The following ARSF variants were observed in gnomAD, a reference collection of about 807,000 sequenced individuals.
ARSF encodes arylsulfatase F.
Under a neutral mutation model 35.4 loss-of-function variants are expected in ARSF, and 33 were observed. That is an observed-to-expected ratio of 0.93 (90% confidence interval 0.71 to 1.25). The LOEUF is 1.25. Ranked by LOEUF, ARSF falls within the 50% of genes most tolerant of loss-of-function variation. The pLI is 0.00. For missense variants in ARSF, 501 were observed against 480.2 expected (o/e 1.04, Z -0.40); for synonymous variants, 222 against 193.1 (o/e 1.15, Z -1.24).
In ARSF at chrX:3,072,113, C is replaced by T. The variant is rs775917673; in HGVS notation, c.99C>T (p.Val33=). 28 of 1,201,102 alleles carry T rather than the reference C, an allele frequency of 2.3e-5. No homozygotes were observed. The highest frequency in any genetic ancestry group is 2.9e-5 in the Non-Finnish European group (26 of 893,491). Residue 33 remains valine (V), a synonymous_variant, in exon 3 of 11, where the codon GTC becomes GTT. Transcript: ENST00000381127. ...TGCATGACGACAAGCCTAATATTGT[C>T]CTAATCATGGTTGATGACCTGGGTA... The part of the protein sequence containing the change: ...HRVHDDKPNI[V]LIMVDDLGIG...
Position 3,084,387 on chromosome X carries a change from C to G in ARSF, c.551C>G (p.Ala184Gly). 8.3e-7 allele frequency: 1 copy of G among 1,211,793 alleles called. No homozygotes were observed. The highest frequency in any genetic ancestry group is 1.1e-6 in the Non-Finnish European group (1 of 895,580). ...WPDPSRNTELAFESQLWLCVQ... is the reference protein window; with the variant it reads ...WPDPSRNTELGFESQLWLCVQ... ...GACCCCTCTCGTAACACGGAATTAG[C>G]CTTTGAGAGTCAGCTCTGGCTCTGT... The change falls in exon 6 of 11, where the codon GCC (alanine) becomes GGC (glycine). Residue 184 changes from alanine to glycine, a missense_variant. Physicochemically the swap from Ala to Gly is moderately conservative, Grantham distance 60. Transcript: ENST00000381127.
chrX:3,103,067 TA>T (rs199909096), intron 8 of ARSF, among the ~76,000 whole-genome samples: 6,240 of 111,378 alleles, frequency 0.056, 172 homozygotes, highest in Admixed American at 0.11. Flanking sequence ...TTGGTATAAT[TA>T]AGACAACTTT....
chrX:3,100,636 C>T (rs2032735791), intron 7 of ARSF, among the ~76,000 whole-genome samples: 1 of 111,184 alleles, frequency 9.0e-6, no homozygotes, highest in Non-Finnish European at 1.9e-5. Context: ...CTCACTCTGT[C>T]ACCCAGGTTG....
At position 3,084,463 on chromosome X, in the gene ARSF, C is replaced by T. The variant is rs1217859879; in HGVS notation, c.627C>T (p.Ser209=). ...AILTLTFGKL[S]GWVSVPWLLI... is the part of the protein sequence containing the mutation. ...TCACCCTAACCTTTGGGAAGCTGAG[C>T]GGCTGGGTCTCTGTTCCCTGGCTCC... Residue 209 remains serine (S), a synonymous_variant, in exon 6 of 11, where the codon AGC becomes AGT. Coordinates refer to ENST00000381127, the MANE Select transcript of ARSF (RefSeq NM_001201539.2). 7.4e-6 allele frequency: 9 copies of T among 1,211,286 alleles called. No individual in the cohort carries two copies. The highest frequency in any genetic ancestry group is 3.0e-5 in the East Asian group (1 of 33,807).
rs1343591077 is a variant in ARSF, at chrX:3,072,066, A to G, written c.52A>G (p.Asn18Asp). ...CATGTCTTTGGTGTGTGCACTCTTGAACACATGCCAGGCACACAGGGTGCA... is the reference window on the plus strand; with the variant it reads ...CATGTCTTTGGTGTGTGCACTCTTGGACACATGCCAGGCACACAGGGTGCA... Reference protein sequence around the residue: ...VFMSLVCALLNTCQAHRVHDD... With the variant: ...VFMSLVCALLDTCQAHRVHDD... Residue 18 changes from asparagine to aspartate, a missense_variant, in exon 3 of 11, where the codon AAC becomes GAC. Physicochemically the swap from Asn to Asp is conservative, Grantham distance 23. Coordinates refer to ENST00000381127, the MANE Select transcript of ARSF (RefSeq NM_001201539.2). 1 of 1,202,680 alleles carries G rather than the reference A, an allele frequency of 8.3e-7. No individual in the cohort carries two copies. The highest frequency in any genetic ancestry group is 1.1e-6 in the Non-Finnish European group (1 of 893,668).
chrX:3,064,607 A>C (rs1193828801), intron 1 of ARSF, among the ~76,000 whole-genome samples: 2 of 111,904 alleles, frequency 1.8e-5, no homozygotes, highest in African/African-American at 6.5e-5. Context: ...AATTTACAAG[A>C]AAAAAACAAA....
intron 1 of ARSF, among the ~76,000 whole-genome samples, chrX:3,056,889 T>C (rs1269622614): frequency 9.0e-6 from 1 of 111,383 alleles, no homozygotes; most frequent in African/African-American, 3.3e-5. Context: ...ATTAAGCTTG[T>C]TGTCTGTGAC....
At chrX:3,055,818 T>G (rs1347299346) in intron 1 of ARSF, among the ~76,000 whole-genome samples, 1 of 111,779 alleles carries the variant, frequency 8.9e-6, no homozygotes, top group African/African-American at 3.2e-5. Context: ...CAACCTCTAC[T>G]GGCTTCCTGC....
intron 1 of ARSF, among the ~76,000 whole-genome samples, chrX:3,046,754 A>T (rs1282662039): frequency 9.0e-6 from 1 of 111,239 alleles, no homozygotes; most frequent in Non-Finnish European, 1.9e-5. Context: ...ACACAAGGAA[A>T]AATTAAGCCA....
chrX:3,111,281 A>T (rs1280991789), intron 10 of ARSF, among the ~76,000 whole-genome samples: 1 of 112,004 alleles, frequency 8.9e-6, no homozygotes, highest in African/African-American at 3.2e-5. Context: ...TAAGATTAAA[A>T]GTGTTAGAAG....
intron 1 of ARSF, among the ~76,000 whole-genome samples, chrX:3,054,651 A>G (rs745408156): frequency 6.6e-4 from 72 of 109,720 alleles, no homozygotes; most frequent in Non-Finnish European, 1.2e-3. Flanking sequence ...ACTTTTCTCT[A>G]TGGAATTCAA....
upstream of ARSF, among the ~76,000 whole-genome samples, chrX:3,040,282 G>T (rs781096155): frequency 9.0e-6 from 1 of 111,622 alleles, no homozygotes; most frequent in Admixed American, 9.6e-5. Context: ...CCGGAGCTAA[G>T]TTACCCGCAG....
intron 1 of ARSF, among the ~76,000 whole-genome samples, chrX:3,052,690 C>CA (rs60919775): frequency 0.018 from 1,289 of 73,625 alleles, 30 homozygotes; most frequent in African/African-American, 0.057. Flanking sequence ...GACCCTGTCT[C>CA]AAAAAAAAAA....
At chrX:3,087,917 C>T (rs979054580) in intron 6 of ARSF, among the ~76,000 whole-genome samples, 1 of 112,250 alleles carries the variant, frequency 8.9e-6, no homozygotes, top group African/African-American at 3.2e-5. Context: ...TCTGAGGTTT[C>T]AAGTGAACGT....
intron 10 of ARSF, among the ~76,000 whole-genome samples, chrX:3,111,115 C>A (rs1325205371): frequency 9.2e-6 from 1 of 108,490 alleles, no homozygotes; most frequent in Non-Finnish European, 1.9e-5. Context: ...TGGGTGCATG[C>A]CTCTGATGTG....
intron 1 of ARSF, among the ~76,000 whole-genome samples, chrX:3,056,344 C>T (rs968770834): frequency 5.6e-5 from 6 of 106,378 alleles, no homozygotes; most frequent in Admixed American, 3.0e-4. Flanking sequence ...GGCGCTATCT[C>T]GGCTCACTGC....
chrX:3,085,471 G>T (rs1051650832), intron 6 of ARSF, among the ~76,000 whole-genome samples: 1 of 108,760 alleles, frequency 9.2e-6, no homozygotes, highest in Non-Finnish European at 1.9e-5. Flanking sequence ...AAATCAGAAG[G>T]CTTCTCTTTG....
At chrX:3,060,983 G>A (rs1462904941) in intron 1 of ARSF, among the ~76,000 whole-genome samples, 1 of 110,037 alleles carries the variant, frequency 9.1e-6, no homozygotes, top group Non-Finnish European at 1.9e-5. Context: ...GATACTCCTC[G>A]AGAAGACACA....
chrX:3,042,187 T>A (rs1433280537), intron 1 of ARSF, among the ~76,000 whole-genome samples: 1 of 111,992 alleles, frequency 8.9e-6, no homozygotes, highest in Non-Finnish European at 1.9e-5. Flanking sequence ...TATATATATA[T>A]TTAAAATTTT....
Sources: gnomAD v4.1 joint callset for allele counts (sites outside exome capture counted in the v4.1 genomes callset) on GRCh38, gnomAD v4.1.1 for gene constraint, MANE v1.5 for transcripts, NCBI Gene and HGNC (gene_info 2026-07-23, HGNC 2026-07-21) for gene names.